Variants in DOCK2 observed in about 807,000 individuals in gnomAD.
DOCK2 encodes dedicator of cytokinesis protein 2.
DOCK2 carries 87 observed loss-of-function variants against 248.9 expected under a neutral mutation model. That is an observed-to-expected ratio of 0.35 (90% CI 0.29 to 0.42). The LOEUF (loss-of-function observed/expected upper bound fraction) is 0.42, where lower values mean the gene tolerates loss of function less well. Among genes scored for constraint, DOCK2 ranks in the 10% least tolerant of loss-of-function variants. The pLI, the probability that DOCK2 is intolerant of heterozygous loss-of-function variation, is 1.00. For synonymous variants in DOCK2, 805 were observed against 821.6 expected, an observed-to-expected ratio of 0.98 and a Z score of 0.35; for missense variants, 1,747 against 2,300.2, an observed-to-expected ratio of 0.76 and a Z score of 4.92.
Position 170,076,069 on chromosome 5 carries a change from C to T in DOCK2, c.4851C>T (p.Tyr1617=), listed in dbSNP as rs375712443. ...KNLKMKVEKE[Y]GVREMPDFDD... ...TGAAAATGAAGGTGGAGAAGGAGTA[C>T]GGTGTCCGAGAGATGGTATGGGTGG... Residue 1617 remains tyrosine, a synonymous_variant, in exon 47 of 52, where the codon TAC becomes TAT. Coordinates refer to ENST00000520908, the MANE Select transcript of DOCK2 (RefSeq NM_004946.3). 1.4e-5 allele frequency: 21 copies of T among 1,461,064 alleles called. No homozygotes were observed. The highest frequency in any genetic ancestry group is 1.9e-4 in the Middle Eastern group (1 of 5,260). 90.5% of individuals were successfully genotyped at this position (1,461,064 alleles called of 1,614,324 possible).
chr5:170,008,388 G>A, intron 30 of DOCK2, 109 bp from the exon 31 acceptor site: 1 of 1,157,408 alleles, frequency 8.6e-7, no homozygotes, highest in Non-Finnish European at 1.3e-6. Flanking sequence ...AATTAAACTG[G>A]TTCGGCCTCT....
At position 169,803,062 on chromosome 5, in the gene DOCK2, C is replaced by T. The variant is rs767258161; in HGVS notation, c.2559C>T (p.Cys853=). ...VQSNLFKKQE[C]RDILLPVITK... The stretch of plus-strand genomic sequence containing the variant: ...TCTGAACTGTCTTTATTCCAGAATG[C>T]CGGGACATTCTGCTTCCTGTCATCA... Residue 853 remains cysteine (C), a synonymous_variant, in exon 26 of 52, where the codon TGC becomes TGT. Coordinates refer to ENST00000520908, the MANE Select transcript of DOCK2 (RefSeq NM_004946.3). The T allele has an allele frequency of 1.9e-6, 3 of 1,613,996 alleles. No homozygotes were observed. Among genetic ancestry groups the T allele is most frequent in the South Asian group, 2.2e-5 (2 of 91,060 alleles).
chr5:169,965,978 A>G (rs994802845), intron 27 of DOCK2, among the ~76,000 whole-genome samples: 9 of 152,186 alleles, frequency 5.9e-5, no homozygotes, highest in Non-Finnish European at 8.8e-5. Context: ...GGGACCTTGG[A>G]GACTCAAAGG....
intron 9 of DOCK2, among the ~76,000 whole-genome samples, chr5:169,694,182 T>G (rs966537729): frequency 6.6e-6 from 1 of 152,240 alleles, no homozygotes; most frequent in African/African-American, 2.4e-5. Context: ...GGATGGCAGC[T>G]GTGCCTTGGT....
chr5:169,674,984 T>C, intron 6 of DOCK2, among the ~76,000 whole-genome samples: 1 of 152,238 alleles, frequency 6.6e-6, no homozygotes, highest in Admixed American at 6.5e-5. Context: ...CCACTGATAA[T>C]AACATTATAA....
In DOCK2 at chr5:170,008,764, T is replaced by C. The variant is rs751306348; in HGVS notation, c.3232+18T>C. The C allele has an allele frequency of 6.2e-7, 1 of 1,613,808 alleles. No homozygotes were observed. Among genetic ancestry groups the C allele is most frequent in the Non-Finnish European group, 8.5e-7 (1 of 1,179,836 alleles). ...CAAGCTTGGTGAGTAGGCACACACA[T>C]CCAGATACTCACATCTGCAGGCACC... On this transcript the variant is annotated intron_variant, in intron 32 of 51. Coordinates refer to ENST00000520908, the MANE Select transcript of DOCK2 (RefSeq NM_004946.3).
chr5:169,757,235 C>T (rs1764243430), intron 23 of DOCK2, among the ~76,000 whole-genome samples: 1 of 152,134 alleles, frequency 6.6e-6, no homozygotes, highest in Non-Finnish European at 1.5e-5. Context: ...GATTTTGCTA[C>T]ATCTGCTTGA....
At chr5:169,786,327 G>T (rs1019779487) in intron 25 of DOCK2, among the ~76,000 whole-genome samples, 3 of 152,150 alleles carry the variant, frequency 2.0e-5, no homozygotes, top group African/African-American at 2.4e-5. Flanking sequence ...TGAGGAATTT[G>T]GGAAGCTTGG....
chr5:169,749,085 C>T (rs529149356), intron 23 of DOCK2, among the ~76,000 whole-genome samples: 3 of 152,352 alleles, frequency 2.0e-5, no homozygotes, highest in South Asian at 2.1e-4. Context: ...CCCCTCTGCC[C>T]TCATCACTAA....
Position 170,076,019 on chromosome 5 carries a change from C to T in DOCK2, c.4801C>T (p.Arg1601Trp), listed in dbSNP as rs1331646797. The T allele has an allele frequency of 1.1e-5, 17 of 1,613,430 alleles. No homozygotes were observed. Among genetic ancestry groups the T allele is most frequent in the Non-Finnish European group, 1.3e-5 (15 of 1,179,752 alleles). ...AGATAACTTGCGACCCTTCCATGAC[C>T]GGATGGAGGAATGTTTCAAGAACCT... ...VSDNLRPFHD[R>W]MEECFKNLKM... Residue 1601 changes from arginine (R) to tryptophan (W), a missense_variant, in exon 47 of 52, where the codon CGG (arginine) becomes TGG (tryptophan). Transcript: ENST00000520908.
intron 2 of DOCK2, among the ~76,000 whole-genome samples, chr5:169,659,829 C>T (rs533513692): frequency 8.2e-4 from 125 of 152,136 alleles, no homozygotes; most frequent in Middle Eastern, 6.8e-3. Flanking sequence ...ATAGAAGGGA[C>T]AAACACAAAA....
In DOCK2 at chr5:169,718,924, A is replaced by G. The variant is rs552951521; in HGVS notation, c.2267+133A>G. 4.2e-6 allele frequency: 5 copies of G among 1,199,518 alleles called. No homozygotes were observed. The African/African-American group carries it at 6.1e-5, about 15-fold the overall frequency. 74.3% of individuals were successfully genotyped at this position (1,199,518 alleles called of 1,614,324 possible). On this transcript the variant is annotated intron_variant, in intron 22 of 51. Coordinates refer to ENST00000520908, the MANE Select transcript of DOCK2 (RefSeq NM_004946.3). ...CGATCAAAAACAGCTCAAGAATCCA[A>G]CCTAGAGAGTAATGAATATGTAATA...
chr5:169,845,478 G>A (rs532516288), intron 27 of DOCK2, among the ~76,000 whole-genome samples: 1 of 152,200 alleles, frequency 6.6e-6, no homozygotes, highest in Admixed American at 6.5e-5. Context: ...GCGTGCAGTG[G>A]GTACCCAAGT....
At chr5:169,970,382 T>A (rs2113762569) in intron 27 of DOCK2, among the ~76,000 whole-genome samples, 1 of 152,370 alleles carries the variant, frequency 6.6e-6, no homozygotes, top group East Asian at 1.9e-4. Flanking sequence ...TCATTTATCC[T>A]GGGCATCTGG....
Position 169,700,078 on chromosome 5 carries a change from C to T in DOCK2, c.1197C>T (p.His399=). The T allele has an allele frequency of 6.2e-7, 1 of 1,614,030 alleles. No homozygotes were observed. The highest frequency in any genetic ancestry group is 8.5e-7 in the Non-Finnish European group (1 of 1,179,934). The change falls in exon 13 of 52, where the codon CAC becomes CAT. Residue 399 remains histidine (H), a synonymous_variant. Transcript: ENST00000520908. The part of the protein sequence containing the change: ...DIIQIRKDYP[H]LVDRTTVVAR... ...TTCAGATTCGCAAGGACTATCCACA[C>T]CTGGTGGACAGGACCACCGTGGTGG...
At chr5:169,643,947 G>C (rs1001057112) in intron 1 of DOCK2, among the ~76,000 whole-genome samples, 1 of 152,182 alleles carries the variant, frequency 6.6e-6, no homozygotes, top group African/African-American at 2.4e-5. Context: ...GGTTTGCCTG[G>C]AAAGTGGGTT....
chr5:169,918,283 A>T (rs780362606), intron 27 of DOCK2, among the ~76,000 whole-genome samples: 3 of 152,230 alleles, frequency 2.0e-5, no homozygotes, highest in Non-Finnish European at 2.9e-5. Flanking sequence ...ACTATCTCTC[A>T]AAATGTTGTG....
intron 27 of DOCK2, among the ~76,000 whole-genome samples, chr5:169,947,909 A>G (rs1776509910): frequency 6.6e-6 from 1 of 152,100 alleles, no homozygotes; most frequent in Non-Finnish European, 1.5e-5. Context: ...ATAAAAAGTA[A>G]ATGTCACACC....
chr5:170,036,839 G>A (rs1481462163), intron 36 of DOCK2, among the ~76,000 whole-genome samples: 2 of 152,156 alleles, frequency 1.3e-5, no homozygotes, highest in African/African-American at 4.8e-5. Context: ...TGAACTGTTG[G>A]GGTGCATTTG....
Sources: gnomAD v4.1 joint callset for allele counts (sites outside exome capture counted in the v4.1 genomes callset) on GRCh38, gnomAD v4.1.1 for gene constraint, MANE v1.5 for transcripts, NCBI Gene and HGNC (gene_info 2026-07-23, HGNC 2026-07-21) for gene names.